MYOM1: variants seen among roughly 807,000 people sequenced by gnomAD.
MYOM1 encodes myomesin-1.
MYOM1 carries 164 observed loss-of-function variants against 205.3 expected under a neutral mutation model. That is an observed-to-expected ratio of 0.80 (90% CI 0.70 to 0.91). The LOEUF is 0.91. Ranked by LOEUF, MYOM1 falls within the 40% of genes least tolerant of loss-of-function variation. The pLI is 0.00. For missense variants in MYOM1, 2,011 were observed against 2,127.3 expected, an observed-to-expected ratio of 0.95 and a Z score of 1.08; for synonymous variants, 772 against 789.4, an observed-to-expected ratio of 0.98 and a Z score of 0.37.
rs1039716220 is a variant in MYOM1, at chr18:3,189,121, T to C, written c.432-34A>G. The C allele has an allele frequency of 1.0e-5, 16 of 1,577,222 alleles. No homozygotes were observed. The African/African-American group carries it at 1.2e-4, about 12-fold the overall frequency. Reference sequence around the variant, plus strand: ...CAACAATGGCAAAATGTAGATGTTGTGGATGGCAGTGATAAGATTGAGTAA... The same window carrying C: ...CAACAATGGCAAAATGTAGATGTTGCGGATGGCAGTGATAAGATTGAGTAA... On this transcript the variant is annotated intron_variant, in intron 3 of 37. Coordinates refer to ENST00000356443, the MANE Select transcript of MYOM1 (RefSeq NM_003803.4). The surrounding 1 kb of genome is among the most constrained non-coding windows in gnomAD (Gnocchi z 4.8).
chr18:3,211,922 G>A (rs2081195370), intron 2 of MYOM1, among the ~76,000 whole-genome samples: 1 of 152,080 alleles, frequency 6.6e-6, no homozygotes, highest in Non-Finnish European at 1.5e-5. Flanking sequence ...CAACCCCAGG[G>A]GTTTTAATCA....
chr18:3,181,514 T>C (rs1283026965), intron 5 of MYOM1, among the ~76,000 whole-genome samples: 1 of 152,234 alleles, frequency 6.6e-6, no homozygotes, highest in Non-Finnish European at 1.5e-5. Flanking sequence ...AACTGCTAAA[T>C]TTGAATATGT....
intron 29 of MYOM1, among the ~76,000 whole-genome samples, chr18:3,088,848 G>T (rs2079187128): frequency 6.6e-6 from 1 of 152,166 alleles, no homozygotes; most frequent in Admixed American, 6.5e-5. Flanking sequence ...AGTGATTCTG[G>T]AATAGGTCTA....
chr18:3,188,894 T>C lies in MYOM1; in HGVS notation c.625A>G (p.Thr209Ala). 1 of 1,608,820 alleles carries C rather than the reference T, an allele frequency of 6.2e-7. No individual in the cohort carries two copies. The highest frequency in any genetic ancestry group is 1.3e-5 in the African/African-American group (1 of 74,480). Residue 209 changes from threonine (T) to alanine (A), a missense_variant, in exon 4 of 38, where the codon ACG becomes GCG. By Grantham distance (58) the Thr-to-Ala change is moderately conservative. Coordinates refer to ENST00000356443, the MANE Select transcript of MYOM1 (RefSeq NM_003803.4). ...SKQSTASKQS[T>A]ASRQSTASRQ... ...GATGCCGTGGACTGCCTGGATGCCG[T>C]GGACTGCTTGGATGCTGTGGACTGC...
intron 22 of MYOM1, among the ~76,000 whole-genome samples, chr18:3,111,136 G>A (rs1019605555): frequency 1.8e-4 from 3 of 16,502 alleles, no homozygotes; most frequent in Non-Finnish European, 4.0e-4. Context: ...ATTTGGTAGA[G>A]GTGGGGTTCT....
intron 2 of MYOM1, among the ~76,000 whole-genome samples, chr18:3,207,818 A>C (rs1443694179): frequency 6.6e-6 from 1 of 152,160 alleles, no homozygotes; most frequent in Non-Finnish European, 1.5e-5. Context: ...CTACTCTAGG[A>C]AAAGGACATG....
chr18:3,139,155 A>T (rs983239054), intron 14 of MYOM1, among the ~76,000 whole-genome samples: 11 of 152,166 alleles, frequency 7.2e-5, no homozygotes, highest in Non-Finnish European at 1.6e-4. Flanking sequence ...GAAAACAAAG[A>T]TATTTACCTC....
intron 33 of MYOM1, among the ~76,000 whole-genome samples, chr18:3,081,309 C>T (rs2079083708): frequency 6.6e-6 from 1 of 152,090 alleles, no homozygotes; most frequent in Non-Finnish European, 1.5e-5. Context: ...AACTGAGATT[C>T]AGAAAATTAA....
intron 1 of MYOM1, chr18:3,217,261 A>C (rs2081280103): frequency 6.6e-6 from 1 of 152,360 alleles, no homozygotes; most frequent in Non-Finnish European, 1.5e-5. Flanking sequence ...CAGGGGTAGC[A>C]GCGAAAGTGT....
At chr18:3,102,071 G>T (rs544498929) in intron 23 of MYOM1, among the ~76,000 whole-genome samples, 1 of 142,042 alleles carries the variant, frequency 7.0e-6, no homozygotes, top group Non-Finnish European at 1.5e-5. Context: ...GCGCGATCTC[G>T]GCTCACTGCA....
At chr18:3,220,326 C>T (rs80044874), upstream of MYOM1, among the ~76,000 whole-genome samples, 1,250 of 152,158 alleles carry the variant, frequency 8.2e-3, 9 homozygotes, top group Middle Eastern at 0.037. Flanking sequence ...TAACAACACA[C>T]GTACGGTACA....
At chr18:3,229,757 G>C in the MYOM1 span, among the ~76,000 whole-genome samples, 1 of 152,084 alleles carries the variant, frequency 6.6e-6, no homozygotes, top group Non-Finnish European at 1.5e-5. Flanking sequence ...ATCACCTGAG[G>C]TCGAGAGTTC....
At chr18:3,084,121 G>A (rs2079122355) in intron 31 of MYOM1, 94 bp from the exon 32 acceptor site, 1 of 1,327,652 alleles carries the variant, frequency 7.5e-7, no homozygotes, top group South Asian at 1.3e-5. Context: ...TTCCCTTTCT[G>A]GTTGAAAGGA....
At chr18:3,234,801 G>T in the MYOM1 span, among the ~76,000 whole-genome samples, 3 of 152,214 alleles carry the variant, frequency 2.0e-5, no homozygotes, top group East Asian at 3.9e-4. Flanking sequence ...CATTGTGATA[G>T]AACTTACTAC....
In MYOM1 at chr18:3,184,236, G is replaced by A. The variant is rs541125727; in HGVS notation, c.929+3244C>T. Among the ~76,000 whole-genome samples the A allele has an allele frequency of 2.6e-4, 40 of 152,182 alleles. No individual in the cohort carries two copies. In the South Asian group the frequency reaches 8.1e-3, roughly 31 times the overall value. ...AATGACTTTTTAAAAACATGCCCAG[G>A]AATATATACTAATCCTATCCAGAAG... On this transcript the variant is annotated intron_variant, in intron 5 of 37. Coordinates refer to ENST00000356443, the MANE Select transcript of MYOM1 (RefSeq NM_003803.4).
At chr18:3,104,525 CT>C (rs2079424674) in intron 22 of MYOM1, among the ~76,000 whole-genome samples, 1 of 152,108 alleles carries the variant, frequency 6.6e-6, no homozygotes, top group South Asian at 2.1e-4. Context: ...AAAGATTTGA[CT>C]TTTCTGAAAA....
At chr18:3,099,932 A>G (rs2079355174) in intron 25 of MYOM1, among the ~76,000 whole-genome samples, 1 of 152,186 alleles carries the variant, frequency 6.6e-6, no homozygotes, top group Non-Finnish European at 1.5e-5. Flanking sequence ...CATGTAATGG[A>G]GCATGGGATA....
At chr18:3,070,500 T>G (rs1598641825) in intron 37 of MYOM1, among the ~76,000 whole-genome samples, 2 of 152,192 alleles carry the variant, frequency 1.3e-5, no homozygotes, top group African/African-American at 2.4e-5. Flanking sequence ...GAATCCAGAT[T>G]AGAAATTATG....
chr18:3,145,327 C>T (rs550469306), intron 13 of MYOM1, among the ~76,000 whole-genome samples: 67 of 147,886 alleles, frequency 4.5e-4, no homozygotes, highest in Non-Finnish European at 7.9e-4. Context: ...AAAAAAAATA[C>T]AATGCTTTTC....
Sources: allele counts gnomAD v4.1 joint callset (sites outside exome capture counted in the v4.1 genomes callset), GRCh38; gene constraint gnomAD v4.1.1; non-coding constraint Gnocchi (gnomAD v3.1); transcripts MANE v1.5; gene names NCBI Gene and HGNC (gene_info 2026-07-23, HGNC 2026-07-21).